The following TKTL1 variants were observed in gnomAD, a reference collection of about 807,000 sequenced individuals.
TKTL1 encodes the protein transketolase-like protein 1.
A neutral mutation model predicts 39.3 loss-of-function variants in TKTL1; 1 was observed. The observed-to-expected ratio is 0.03, with a 90% CI of 0.01 to 0.12. TKTL1 has a LOEUF of 0.12. Ranked by LOEUF, TKTL1 falls within the 10% of genes least tolerant of loss-of-function variation. The pLI, the probability that TKTL1 is intolerant of heterozygous loss-of-function variation, is 1.00. For missense variants in TKTL1, 575 were observed against 509.6 expected, an observed-to-expected ratio of 1.13 and a Z score of -1.24; for synonymous variants, 262 against 193.8, an observed-to-expected ratio of 1.35 and a Z score of -2.92.
At chrX:154,327,367 T>G in intron 10 of TKTL1, 1 of 548,528 alleles carries the variant, frequency 1.8e-6, no homozygotes, top group Non-Finnish European at 3.4e-6. Flanking sequence ...AGACTCCTGA[T>G]GGGTATGTGG....
chrX:154,303,122 C>G (rs1192933370), intron 1 of TKTL1, among the ~76,000 whole-genome samples: 2 of 110,858 alleles, frequency 1.8e-5, no homozygotes, highest in African/African-American at 3.3e-5. Flanking sequence ...GCGCCAGCCT[C>G]CTACCTTGCC....
chrX:154,319,734 G>C (rs2067433528), intron 7 of TKTL1, among the ~76,000 whole-genome samples: 1 of 86,522 alleles, frequency 1.2e-5, no homozygotes, highest in African/African-American at 5.4e-5. Context: ...GCAAGACCCT[G>C]TCTAAAAAAA....
rs1386561883 is a variant in TKTL1, at chrX:154,308,601, G to A, written c.253-744G>A. On this transcript the variant is annotated intron_variant, in intron 2 of 12. Transcript: ENST00000369915. Reference sequence around the variant, plus strand: ...GGCAAGGGATGTTTAAGACCAGGTCGAAATGGTGGCTGCAGAAGCTGTTGG... The same window carrying A: ...GGCAAGGGATGTTTAAGACCAGGTCAAAATGGTGGCTGCAGAAGCTGTTGG... Among the ~76,000 whole-genome samples, 28 of 111,873 alleles carry A rather than the reference G, an allele frequency of 2.5e-4. No individual in the cohort carries two copies. The Admixed American group carries it at 2.7e-3, about 11-fold the overall frequency.
In TKTL1 at chrX:154,295,849, G is replaced by C. The variant is rs1557164177; in HGVS notation, c.-11G>C. On this transcript the variant is annotated 5_prime_UTR_variant, in exon 1 of 13. Transcript: ENST00000369915. ...AGGAGTGGGTCTTCAGACTCCAAAG[G>C]GGTTGGACTAATGGCGGATGCTGAG... 1.7e-6 allele frequency: 2 copies of C among 1,210,366 alleles called. No homozygotes were observed. Among genetic ancestry groups the C allele is most frequent in the South Asian group, 1.8e-5 (1 of 56,742 alleles).
In TKTL1 at chrX:154,310,978, C is replaced by A. The variant is rs889347298; in HGVS notation, c.493C>A (p.Pro165Thr). The change falls in exon 4 of 13, where the codon CCC (proline) becomes ACC (threonine). Residue 165 changes from proline (P) to threonine (T), a missense_variant. Physicochemically the swap from Pro to Thr is conservative, Grantham distance 38. Coordinates refer to ENST00000369915, the MANE Select transcript of TKTL1 (RefSeq NM_012253.4). ...CCGCCTGGGACACAGTGGTGCATTGCCCGCCGAGCACTGCATAAACATCTA... is the reference window on the plus strand; with the variant it reads ...CCGCCTGGGACACAGTGGTGCATTGACCGCCGAGCACTGCATAAACATCTA... ...VNRLGHSGAL[P>T]AEHCINIYQR... 8.3e-7 allele frequency: 1 copy of A among 1,211,912 alleles called. No individual in the cohort carries two copies. The highest frequency in any genetic ancestry group is 1.1e-6 in the Non-Finnish European group (1 of 895,551).
At chrX:154,324,046 C>T (rs782752380) in intron 9 of TKTL1, among the ~76,000 whole-genome samples, 6 of 112,806 alleles carry the variant, frequency 5.3e-5, no homozygotes, top group South Asian at 3.6e-4. Context: ...TGTTCCCTTT[C>T]CAAGCACTCA....
Position 154,327,855 on chromosome X carries a change from C to T in TKTL1, c.1515C>T (p.Val505=). 2.5e-6 allele frequency: 3 copies of T among 1,211,771 alleles called. No homozygotes were observed. Among genetic ancestry groups the T allele is most frequent in the Admixed American group, 2.2e-5 (1 of 46,055 alleles). ...ELSKQDIFIR[V]IDLFTIKPLD... is the part of the protein sequence containing the mutation. ...GTTCTGCAGATATTTTTATCCGTGTCATCGACCTGTTTACCATTAAACCTC... is the reference window on the plus strand; with the variant it reads ...GTTCTGCAGATATTTTTATCCGTGTTATCGACCTGTTTACCATTAAACCTC... The change falls in exon 12 of 13, where the codon GTC becomes GTT. Residue 505 remains valine (V), a synonymous_variant. Coordinates refer to ENST00000369915, the MANE Select transcript of TKTL1 (RefSeq NM_012253.4).
chrX:154,311,046 G>A lies in TKTL1; in HGVS notation c.542+19G>A, dbSNP rs113429319. Reference sequence around the variant, plus strand: ...CCTTTGGGTAACTGTATTCTCTTGTGCTTGATTTCCATTCTGTCCTGCCCC... The same window carrying A: ...CCTTTGGGTAACTGTATTCTCTTGTACTTGATTTCCATTCTGTCCTGCCCC... On this transcript the variant is annotated intron_variant, in intron 4 of 12. Transcript: ENST00000369915. The A allele has an allele frequency of 6.7e-3, 8,163 of 1,209,812 alleles. 78 individuals carry two copies. Among genetic ancestry groups the A allele is most frequent in the African/African-American group, 0.056 (3,219 of 57,369 alleles).
At chrX:154,302,121 C>T (rs1262828923) in intron 1 of TKTL1, among the ~76,000 whole-genome samples, 5 of 110,802 alleles carry the variant, frequency 4.5e-5, no homozygotes, top group Non-Finnish European at 9.4e-5. Context: ...CATTCACTTT[C>T]GGGTTCTCAA....
intron 1 of TKTL1, among the ~76,000 whole-genome samples, chrX:154,303,410 T>TTTTG (rs1859491811): frequency 1.1e-5 from 1 of 87,506 alleles, no homozygotes; most frequent in Non-Finnish European, 2.2e-5. Flanking sequence ...TTTTTTTTTT[T>TTTTG]TGGAAAGACG....
intron 5 of TKTL1, 90 bp from the exon 6 acceptor site, chrX:154,312,490 T>C: frequency 1.1e-6 from 1 of 947,986 alleles, no homozygotes. Context: ...TAGGGTGACA[T>C]CTTTTTCATC....
At position 154,323,326 on chromosome X, in the gene TKTL1, G is replaced by T; in HGVS notation, c.1306G>T (p.Ala436Ser). The change falls in exon 9 of 13, where the codon GCC becomes TCC. Residue 436 changes from alanine to serine, a missense_variant. By Grantham distance (99) the Ala-to-Ser change is moderately conservative. Coordinates refer to ENST00000369915, the MANE Select transcript of TKTL1 (RefSeq NM_012253.4). The part of the protein sequence containing the change: ...VSTEHAVALA[A>S]NAKGMCFIRT... ...CACGGAGCATGCTGTTGCTCTGGCAGCCAATGCCAAGGTATTTTTAAGGGG... is the reference window on the plus strand; with the variant it reads ...CACGGAGCATGCTGTTGCTCTGGCATCCAATGCCAAGGTATTTTTAAGGGG... The T allele has an allele frequency of 8.3e-7, 1 of 1,211,386 alleles. No homozygotes were observed. The highest frequency in any genetic ancestry group is 1.1e-6 in the Non-Finnish European group (1 of 895,298).
intron 1 of TKTL1, among the ~76,000 whole-genome samples, chrX:154,296,884 C>T (rs2067233671): frequency 1.8e-5 from 2 of 111,863 alleles, no homozygotes; most frequent in Non-Finnish European, 3.8e-5. Flanking sequence ...GGCGTGGTGG[C>T]ACGTGCCTGT....
At chrX:154,317,543 A>G (rs2067411153) in intron 7 of TKTL1, among the ~76,000 whole-genome samples, 1 of 112,500 alleles carries the variant, frequency 8.9e-6, no homozygotes. Context: ...CGCCCTTTTC[A>G]GTATCTCTGG....
chrX:154,320,292 G>A (rs1420204987), intron 7 of TKTL1: 3 of 121,658 alleles, frequency 2.5e-5, no homozygotes, highest in Non-Finnish European at 3.4e-5. Context: ...AGTTTGCTGC[G>A]AAGGAGAACA....
At chrX:154,309,236 TG>T in intron 2 of TKTL1, 108 bp from the exon 3 acceptor site, 1 of 636,285 alleles carries the variant, frequency 1.6e-6, no homozygotes, top group African/African-American at 2.2e-5. Flanking sequence ...GCTGTTCGGA[TG>T]GGACGCTGCT....
intron 9 of TKTL1, among the ~76,000 whole-genome samples, chrX:154,323,612 CAGG>C (rs2067469899): frequency 1.8e-5 from 2 of 111,863 alleles, no homozygotes; most frequent in Non-Finnish European, 3.8e-5. Flanking sequence ...GTGTTGTAAA[CAGG>C]AGAAGGTGTT....
chrX:154,296,908 C>T (rs782388522), intron 1 of TKTL1, among the ~76,000 whole-genome samples: 5 of 111,725 alleles, frequency 4.5e-5, no homozygotes, highest in South Asian at 3.7e-4. Flanking sequence ...CCCAGCTACG[C>T]GGGAGGCTGA....
intron 1 of TKTL1, among the ~76,000 whole-genome samples, chrX:154,298,054 C>T (rs1603350579): frequency 9.0e-6 from 1 of 111,000 alleles, no homozygotes; most frequent in Non-Finnish European, 1.9e-5. Context: ...TAGGTCTATT[C>T]AGATTTTCTT....
Sources: allele counts gnomAD v4.1 joint callset (sites outside exome capture counted in the v4.1 genomes callset), GRCh38; gene constraint gnomAD v4.1.1; transcripts MANE v1.5; gene names NCBI Gene and HGNC (gene_info 2026-07-23, HGNC 2026-07-21).